SMCHD1: variants seen among roughly 807,000 people sequenced by gnomAD.
SMCHD1 encodes the protein structural maintenance of chromosomes flexible hinge domain containing 1.
In SMCHD1, 78 loss-of-function variants were observed where a neutral mutation model predicts 254.7. The ratio of observed to expected loss-of-function variants is 0.31; its 90% CI spans 0.26 to 0.37. SMCHD1 has a LOEUF of 0.37. Ranked by LOEUF, SMCHD1 falls within the 10% of genes least tolerant of loss-of-function variation. The pLI, the probability that SMCHD1 is intolerant of heterozygous loss-of-function variation, is 1.00. For missense variants in SMCHD1, 1,840 were observed against 2,408.1 expected (o/e 0.76, Z 4.94); for synonymous variants, 766 against 794.9 (o/e 0.96, Z 0.61).
At chr18:2,690,691 C>T (rs997268213) in intron 7 of SMCHD1, among the ~76,000 whole-genome samples, 16 of 149,408 alleles carry the variant, frequency 1.1e-4, no homozygotes, top group African/African-American at 1.7e-4. Flanking sequence ...ACCATGTTGG[C>T]CAGACTGGTC....
At chr18:2,702,090 A>G (rs1166472657) in intron 12 of SMCHD1, 1 of 152,040 alleles carries the variant, frequency 6.6e-6, no homozygotes, top group Non-Finnish European at 1.5e-5. Flanking sequence ...GGTGTTTTCA[A>G]AAGCTATCCA....
At chr18:2,709,094 A>C (rs2074603850) in intron 17 of SMCHD1, among the ~76,000 whole-genome samples, 1 of 149,278 alleles carries the variant, frequency 6.7e-6, no homozygotes, top group Non-Finnish European at 1.5e-5. Context: ...GAATTTGACT[A>C]TTTTAGGTAC....
chr18:2,681,744 T>C (rs1048105850), intron 5 of SMCHD1, among the ~76,000 whole-genome samples: 5 of 152,160 alleles, frequency 3.3e-5, no homozygotes, highest in Admixed American at 6.6e-5. Flanking sequence ...GGGAGAGGTA[T>C]GACATTAGTT....
At chr18:2,700,205 CG>C (rs2143177963) in intron 10 of SMCHD1, among the ~76,000 whole-genome samples, 1 of 152,186 alleles carries the variant, frequency 6.6e-6, no homozygotes, top group African/African-American at 2.4e-5. Flanking sequence ...GTTTTAGATA[CG>C]GGATTTAAGC....
intron 34 of SMCHD1, chr18:2,753,249 T>C (rs4798023): frequency 0.3 from 45,290 of 152,156 alleles, 6,947 homozygotes; most frequent in East Asian, 0.5. Context: ...ATTATTTTCC[T>C]TTGCATAAGA....
chr18:2,721,467 G>A (rs1160012586), intron 19 of SMCHD1, among the ~76,000 whole-genome samples: 4 of 151,992 alleles, frequency 2.6e-5, no homozygotes. Context: ...TTCATAAGAT[G>A]GGCGTGCTGT....
At chr18:2,774,276 A>G (rs964620750) in intron 41 of SMCHD1, among the ~76,000 whole-genome samples, 2 of 152,156 alleles carry the variant, frequency 1.3e-5, no homozygotes, top group African/African-American at 4.8e-5. Context: ...GCCTCTACTA[A>G]TTCTTTCTCC....
intron 29 of SMCHD1, 61 bp downstream of exon 29, chr18:2,743,989 T>G: frequency 3.7e-6 from 5 of 1,348,950 alleles, no homozygotes; most frequent in Non-Finnish European, 5.0e-6. Context: ...TACTTTCAGA[T>G]TGTCAGTGAA....
In SMCHD1 at chr18:2,784,633, A is replaced by G. The variant is rs1210771916; in HGVS notation, c.5719+12A>G. 1 of 1,557,070 alleles carries G rather than the reference A, an allele frequency of 6.4e-7. No homozygotes were observed. Among genetic ancestry groups the G allele is most frequent in the East Asian group, 2.3e-5 (1 of 43,768 alleles). ...AGGGGAACAAATAGGTAAGTTGAATAAGTACTTAAATAGCAATTTCTAATT... is the reference window on the plus strand; with the variant it reads ...AGGGGAACAAATAGGTAAGTTGAATGAGTACTTAAATAGCAATTTCTAATT... On this transcript the variant is annotated intron_variant, in intron 45 of 47. Coordinates refer to ENST00000320876, the MANE Select transcript of SMCHD1 (RefSeq NM_015295.3).
rs139879990 is a variant in SMCHD1, at chr18:2,723,266, G to A, written c.2603+603G>A. ...TTTCACTGATAAAGCAAATGGTTAG[G>A]GTTTTTTTAAAAGCTTTCTTTTACC... On this transcript the variant is annotated intron_variant, in intron 20 of 47. Coordinates refer to ENST00000320876, the MANE Select transcript of SMCHD1 (RefSeq NM_015295.3). Among the ~76,000 whole-genome samples the A allele has an allele frequency of 3.2e-3, 482 of 152,014 alleles. 4 individuals are homozygous for A. Among genetic ancestry groups the A allele is most frequent in the African/African-American group, 0.011 (473 of 41,416 alleles).
chr18:2,670,020 C>T lies in SMCHD1; in HGVS notation c.424+2989C>T, dbSNP rs1056080857. 1.2e-4 allele frequency among the ~76,000 whole-genome samples: 19 copies of T among 152,218 alleles called. 1 individual carries two copies. The South Asian group carries it at 2.3e-3, about 18-fold the overall frequency. On this transcript the variant is annotated intron_variant, in intron 3 of 47. Coordinates refer to ENST00000320876, the MANE Select transcript of SMCHD1 (RefSeq NM_015295.3). ...TGGTCTGGAGGCACCATTGTATCAC[C>T]CAGATTACACTAACTAGTAGTTACT...
chr18:2,743,619 T>C (rs1204186869), intron 28 of SMCHD1, 142 bp from the exon 29 acceptor site: 1 of 485,194 alleles, frequency 2.1e-6, no homozygotes, highest in Non-Finnish European at 3.4e-6. Flanking sequence ...CATGCCATTA[T>C]TGCATGGGTG....
intron 33 of SMCHD1, among the ~76,000 whole-genome samples, 182 bp from the exon 34 acceptor site, chr18:2,752,306 A>G (rs2075590153): frequency 1.3e-5 from 2 of 152,150 alleles, no homozygotes. Flanking sequence ...CACTGTCACT[A>G]ATCTCACATT....
chr18:2,679,499 A>AAAAAAAAAAAAAG (rs2073874716), intron 5 of SMCHD1, among the ~76,000 whole-genome samples: 1 of 147,254 alleles, frequency 6.8e-6, no homozygotes, highest in Non-Finnish European at 1.5e-5. Flanking sequence ...AAAAAAAAAA[A>AAAAAAAAAAAAAG]GGAACTCTTG....
chr18:2,725,040 T>C, intron 21 of SMCHD1, 45 bp downstream of exon 21: 1 of 1,124,202 alleles, frequency 8.9e-7, no homozygotes, highest in Non-Finnish European at 1.2e-6. Context: ...AAGTATTTAT[T>C]TATCATATGG....
At chr18:2,749,767 T>C (rs138338099) in intron 30 of SMCHD1, among the ~76,000 whole-genome samples, 21 of 152,352 alleles carry the variant, frequency 1.4e-4, no homozygotes, top group Admixed American at 2.0e-4. Flanking sequence ...ATCAGTGATA[T>C]TGAAACAGTG....
Position 2,719,189 on chromosome 18 carries a change from A to G in SMCHD1, c.2458+755A>G, listed in dbSNP as rs140635806. ...TTTTCTTGAATCACTTTGATTTTCT[A>G]TTTTCTTTTTCTCTCCTTTTCTTTT... is the stretch of plus-strand genomic sequence containing the variant. On this transcript the variant is annotated intron_variant, in intron 19 of 47. Transcript: ENST00000320876. Among the ~76,000 whole-genome samples the G allele has an allele frequency of 4.2e-4, 63 of 149,194 alleles. 1 individual carries two copies. Among genetic ancestry groups the G allele is most frequent in the African/African-American group, 1.5e-3 (59 of 40,554 alleles).
Position 2,700,549 on chromosome 18 carries a change from T to C in SMCHD1, c.1353T>C (p.Asp451=), listed in dbSNP as rs762299567. The change falls in exon 11 of 48, where the codon GAT becomes GAC. Residue 451 remains aspartate, a synonymous_variant. Transcript: ENST00000320876. ...DDPCFPSKLK[D]EDDEDDCFIL... is the part of the protein sequence containing the mutation. ...GCCCTTTTGATCTAGAATTAAAAGA[T>C]GAAGATGATGAAGATGATTGTTTCA... 4 of 1,605,906 alleles carry C rather than the reference T, an allele frequency of 2.5e-6. No individual in the cohort carries two copies. Among genetic ancestry groups the C allele is most frequent in the Non-Finnish European group, 2.5e-6 (3 of 1,177,244 alleles).
Position 2,748,820 on chromosome 18 carries a change from A to G in SMCHD1, c.3927+1173A>G, listed in dbSNP as rs7227491. On this transcript the variant is annotated intron_variant, in intron 30 of 47. Transcript: ENST00000320876. ...TTCAGACAATCTTGAGTATCCCTCC[A>G]CATATAAAAAATAAATATAAATGTA... is the stretch of plus-strand genomic sequence containing the variant. Among the ~76,000 whole-genome samples the G allele has an allele frequency of 8.8e-3, 1,338 of 152,304 alleles. 22 individuals are homozygous for G. The highest frequency in any genetic ancestry group is 0.03 in the African/African-American group (1,267 of 41,554).
Sources: allele counts gnomAD v4.1 joint callset (sites outside exome capture counted in the v4.1 genomes callset), GRCh38; gene constraint gnomAD v4.1.1; transcripts MANE v1.5; gene names NCBI Gene and HGNC (gene_info 2026-07-23, HGNC 2026-07-21).